Variants in TAF3 observed in about 807,000 individuals in gnomAD.
TAF3 encodes transcription initiation factor TFIID subunit 3.
Under a neutral mutation model 80.6 loss-of-function variants are expected in TAF3, and 7 were observed. That is an observed-to-expected ratio of 0.09 (90% confidence interval 0.05 to 0.16). TAF3 has a LOEUF of 0.16. TAF3 is among the 10% of genes least tolerant of loss of function. The pLI is 1.00. For missense variants in TAF3, 921 were observed against 1,140.2 expected, an observed-to-expected ratio of 0.81 and a Z score of 2.77; for synonymous variants, 444 against 446.1, an observed-to-expected ratio of 1.00 and a Z score of 0.06.
intron 2 of TAF3, among the ~76,000 whole-genome samples, chr10:7,846,714 G>C (rs1386681746): frequency 1.3e-5 from 2 of 152,170 alleles, no homozygotes; most frequent in East Asian, 3.8e-4. Flanking sequence ...GCTAAGACAT[G>C]ATGAGACTTC....
intron 3 of TAF3, among the ~76,000 whole-genome samples, chr10:7,967,649 C>G (rs1421275555): frequency 1.3e-5 from 2 of 152,128 alleles, no homozygotes; most frequent in Non-Finnish European, 2.9e-5. Flanking sequence ...CAGATCCTGA[C>G]TTTTGTAAAA....
intron 1 of TAF3, among the ~76,000 whole-genome samples, chr10:7,823,381 A>G (rs1044210670): frequency 2.6e-5 from 4 of 151,588 alleles, no homozygotes; most frequent in African/African-American, 9.7e-5. Context: ...CTGTTATCCC[A>G]CCACTTTGGG....
intron 4 of TAF3, among the ~76,000 whole-genome samples, chr10:7,994,152 C>T (rs961884532): frequency 6.6e-5 from 10 of 151,728 alleles, no homozygotes; most frequent in Admixed American, 5.9e-4. Flanking sequence ...TCTTGACCAA[C>T]GTGAATTCCT....
chr10:7,966,035 T>C (rs991349729), intron 3 of TAF3, among the ~76,000 whole-genome samples: 1 of 152,006 alleles, frequency 6.6e-6, no homozygotes, highest in African/African-American at 2.4e-5. Flanking sequence ...AAAAAACAAA[T>C]CTGGGTTCTT....
At position 7,871,435 on chromosome 10, in the gene TAF3, C is replaced by CTTTTT. The variant is rs527356726; in HGVS notation, c.409+46896_409+46900dup. Among the ~76,000 whole-genome samples the CTTTTT allele has an allele frequency of 2.9e-3, 199 of 69,084 alleles. 12 individuals carry two copies. The highest frequency in any genetic ancestry group is 5.7e-3 in the African/African-American group (117 of 20,534). 45.3% of individuals were successfully genotyped at this position (69,084 alleles called of 152,430 possible). A position where few individuals can be genotyped will look rare whatever the true frequency, so the allele number is the denominator to read the frequency against. On this transcript the variant is annotated intron_variant, in intron 2 of 6. Coordinates refer to ENST00000344293, the MANE Select transcript of TAF3 (RefSeq NM_031923.4). ...CTAAATTGATGACAAATAACTGCTG[C>CTTTTT]TTTTTTTTTTTTTTTTTTTTTTTTT... is the stretch of plus-strand genomic sequence containing the variant.
intron 2 of TAF3, among the ~76,000 whole-genome samples, chr10:7,831,645 C>G (rs947436489): frequency 1.3e-5 from 2 of 152,218 alleles, no homozygotes; most frequent in South Asian, 2.1e-4. Flanking sequence ...TGCCCGGCCT[C>G]ATTACAGTTT....
intron 2 of TAF3, among the ~76,000 whole-genome samples, chr10:7,962,934 A>G (rs1831524408): frequency 6.6e-6 from 1 of 152,228 alleles, no homozygotes; most frequent in East Asian, 1.9e-4. Context: ...ATCTGATCTT[A>G]GAAAAACTCA....
chr10:7,899,350 G>T (rs1228131316), intron 2 of TAF3, among the ~76,000 whole-genome samples: 2 of 152,106 alleles, frequency 1.3e-5, no homozygotes, highest in Non-Finnish European at 2.9e-5. Context: ...CATCTGGGTG[G>T]CTGGCTTCCA....
chr10:8,003,745 T>G (rs1831966604), intron 4 of TAF3, among the ~76,000 whole-genome samples: 1 of 152,186 alleles, frequency 6.6e-6, no homozygotes, highest in African/African-American at 2.4e-5. Context: ...TTGCAAAAAT[T>G]TAAAACATTG....
chr10:7,829,277 G>A (rs943015677), intron 2 of TAF3, among the ~76,000 whole-genome samples: 6 of 152,192 alleles, frequency 3.9e-5, no homozygotes, highest in South Asian at 4.1e-4. Context: ...AACCTTTTAC[G>A]TGACTATGGT....
intron 2 of TAF3, among the ~76,000 whole-genome samples, chr10:7,827,788 A>C (rs1422467125): frequency 6.6e-6 from 1 of 151,512 alleles, no homozygotes; most frequent in Non-Finnish European, 1.5e-5. Flanking sequence ...TCAAAAAAAA[A>C]AAAAAAAACA....
intron 2 of TAF3, among the ~76,000 whole-genome samples, chr10:7,903,353 T>G (rs1467380722): frequency 6.6e-6 from 1 of 152,226 alleles, no homozygotes; most frequent in East Asian, 1.9e-4. Flanking sequence ...TTTGAACATT[T>G]TCTTACTCTT....
intron 2 of TAF3, among the ~76,000 whole-genome samples, chr10:7,879,511 G>T (rs1451300351): frequency 2.0e-5 from 3 of 152,190 alleles, no homozygotes; most frequent in Admixed American, 2.0e-4. Context: ...TTTGGAAAAT[G>T]ACATGGCATT....
chr10:7,999,858 CAACTT>C (rs148121191), intron 4 of TAF3, among the ~76,000 whole-genome samples: 4,621 of 152,316 alleles, frequency 0.03, 100 homozygotes, highest in African/African-American at 0.055. Context: ...ATGATGCACT[CAACTT>C]AGACGCACTC....
intron 2 of TAF3, among the ~76,000 whole-genome samples, chr10:7,954,757 A>G (rs1333036295): frequency 7.1e-6 from 1 of 139,972 alleles, no homozygotes; most frequent in Admixed American, 7.2e-5. Context: ...CCTAGTTAAC[A>G]CAGAGCTCTC....
intron 2 of TAF3, among the ~76,000 whole-genome samples, chr10:7,889,925 C>T (rs1209599183): frequency 6.6e-6 from 1 of 152,130 alleles, no homozygotes; most frequent in Non-Finnish European, 1.5e-5. Flanking sequence ...TCAGTTACAC[C>T]CTCTTCCAGT....
chr10:7,974,774 A>G (rs543840078), intron 3 of TAF3, among the ~76,000 whole-genome samples: 1 of 152,240 alleles, frequency 6.6e-6, no homozygotes, highest in African/African-American at 2.4e-5. Flanking sequence ...GGAGTGGAGC[A>G]CATTTAAAAG....
intron 4 of TAF3, among the ~76,000 whole-genome samples, chr10:7,986,380 TG>T: frequency 6.6e-6 from 1 of 152,306 alleles, no homozygotes; most frequent in African/African-American, 2.4e-5. Flanking sequence ...TCCGCCAGTG[TG>T]GTTCTTCTTC....
intron 2 of TAF3, among the ~76,000 whole-genome samples, chr10:7,835,291 A>C (rs993127458): frequency 6.6e-6 from 1 of 151,180 alleles, no homozygotes; most frequent in African/African-American, 2.4e-5. Flanking sequence ...CTGCATTCAA[A>C]GCCGTCCTGG....
Sources: gnomAD v4.1 joint callset for allele counts (sites outside exome capture counted in the v4.1 genomes callset) on GRCh38, gnomAD v4.1.1 for gene constraint, MANE v1.5 for transcripts, NCBI Gene and HGNC (gene_info 2026-07-23, HGNC 2026-07-21) for gene names.